The following ZEB1 variants were observed in gnomAD, a reference collection of about 807,000 sequenced individuals.
ZEB1 encodes the protein zinc finger E-box-binding homeobox 1.
ZEB1 carries 21 observed loss-of-function variants against 84.9 expected under a neutral mutation model. That is an observed-to-expected ratio of 0.25 (90% confidence interval 0.18 to 0.36). The LOEUF is 0.36. Ranked by LOEUF, ZEB1 falls within the 10% of genes least tolerant of loss-of-function variation. ZEB1 has a pLI of 1.00. For missense variants in ZEB1, 1,104 were observed against 1,330.2 expected, an observed-to-expected ratio of 0.83 and a Z score of 2.65; for synonymous variants, 420 against 471.1, an observed-to-expected ratio of 0.89 and a Z score of 1.41.
At position 31,529,389 on chromosome 10, in the gene ZEB1, CCT is replaced by C. The variant is rs1834720852; in HGVS notation, c.*2128_*2129del. Reference sequence around the variant, plus strand: ...TCTGGAGAGGTCAGAGTTGACAAAACCTCTTCACAGGTTGCTCCTTCTTCCTG... The same window carrying C: ...TCTGGAGAGGTCAGAGTTGACAAAACCTTCACAGGTTGCTCCTTCTTCCTG... On this transcript the variant is annotated 3_prime_UTR_variant, in exon 9 of 9. Coordinates refer to ENST00000424869, the MANE Select transcript of ZEB1 (RefSeq NM_001174096.2). The C allele has an allele frequency of 6.6e-6, 1 of 152,188 alleles. No homozygotes were observed. Among genetic ancestry groups the C allele is most frequent in the Non-Finnish European group, 1.5e-5 (1 of 68,030 alleles). 9.4% of individuals were successfully genotyped at this position (152,188 alleles called of 1,614,324 possible). A position where few individuals can be genotyped will look rare whatever the true frequency, so the allele number is the denominator to read the frequency against.
rs535604814 is a variant in ZEB1 at position 31,416,208 on chromosome 10, G to T, written c.59-44829G>T. Among the ~76,000 whole-genome samples the T allele has an allele frequency of 6.6e-5, 10 of 151,954 alleles. No individual in the cohort carries two copies. In the East Asian group the frequency reaches 1.9e-3, roughly 29 times the overall value. On this transcript the variant is annotated intron_variant, in intron 1 of 8. Transcript: ENST00000424869. ...GACTATTTTTGGTGTTCTTGATTAT[G>T]ATTTAATACTTCATACTTTAGGAAA...
chr10:31,398,409 A>G (rs2051231331), intron 1 of ZEB1, among the ~76,000 whole-genome samples: 1 of 152,132 alleles, frequency 6.6e-6, no homozygotes, highest in African/African-American at 2.4e-5. Flanking sequence ...GGGATATGTC[A>G]TAATTAGTGA....
chr10:31,355,751 C>T (rs2042013176), intron 1 of ZEB1, among the ~76,000 whole-genome samples: 2 of 151,864 alleles, frequency 1.3e-5, no homozygotes, highest in Admixed American at 1.3e-4. Flanking sequence ...CCAGTGTGAG[C>T]GTTGAAAAGA....
Position 31,477,710 on chromosome 10 carries a change from A to G in ZEB1, c.259+16473A>G, listed in dbSNP as rs563376079. Among the ~76,000 whole-genome samples, 165 of 152,196 alleles carry G rather than the reference A, an allele frequency of 1.1e-3. 2 individuals are homozygous for G. The highest frequency in any genetic ancestry group is 3.9e-3 in the African/African-American group (160 of 41,558). On this transcript the variant is annotated intron_variant, in intron 2 of 8. Transcript: ENST00000424869. ...ACAAAGAACTCATAAATAAAGTGAC[A>G]TACCTACAACCAACTGACTTTCAGC...
At chr10:31,411,418 T>C (rs746804427) in intron 1 of ZEB1, among the ~76,000 whole-genome samples, 17 of 152,046 alleles carry the variant, frequency 1.1e-4, no homozygotes, top group Non-Finnish European at 2.2e-4. Flanking sequence ...GATCATGAGG[T>C]CAGGAGATCG....
intron 1 of ZEB1, among the ~76,000 whole-genome samples, chr10:31,349,512 G>A (rs937719482): frequency 6.6e-6 from 1 of 152,134 alleles, no homozygotes; most frequent in African/African-American, 2.4e-5. Flanking sequence ...TTCCATAGTG[G>A]CTGTACCAAT....
At chr10:31,431,892 CATTA>C (rs1337154874) in intron 1 of ZEB1, among the ~76,000 whole-genome samples, 1 of 152,080 alleles carries the variant, frequency 6.6e-6, no homozygotes, top group Non-Finnish European at 1.5e-5. Context: ...GCAACATAAA[CATTA>C]ATTCATTGAC....
rs73260033 is a variant in ZEB1, at chr10:31,351,708, A to G, written c.58+32416A>G. Among the ~76,000 whole-genome samples, 1,459 of 152,268 alleles carry G rather than the reference A, an allele frequency of 9.6e-3. 16 individuals are homozygous for G. Among genetic ancestry groups the G allele is most frequent in the African/African-American group, 0.032 (1,335 of 41,560 alleles). ...ATTAACTAATCCTTATTTTTGTAAT[A>G]AATTATCTGATATCCTTCAGAGGTT... On this transcript the variant is annotated intron_variant, in intron 1 of 8. Coordinates refer to ENST00000424869, the MANE Select transcript of ZEB1 (RefSeq NM_001174096.2).
chr10:31,502,339 T>A lies in ZEB1; in HGVS notation c.323-9T>A. 1 of 1,613,380 alleles carries A rather than the reference T, an allele frequency of 6.2e-7. No homozygotes were observed. The highest frequency in any genetic ancestry group is 1.1e-5 in the South Asian group (1 of 91,046). On this transcript the variant is annotated splice_polypyrimidine_tract_variant and intron_variant, in intron 3 of 8. Coordinates refer to ENST00000424869, the MANE Select transcript of ZEB1 (RefSeq NM_001174096.2). The stretch of plus-strand genomic sequence containing the variant: ...AGATTGCTGTCTTAAAAGTATGCAT[T>A]TTTTTTAGTAAAAGATGATGAATGC...
intron 1 of ZEB1, among the ~76,000 whole-genome samples, chr10:31,356,223 GCTAA>G (rs2042095865): frequency 6.6e-6 from 1 of 151,964 alleles, no homozygotes; most frequent in Non-Finnish European, 1.5e-5. Flanking sequence ...TTTGAATTGT[GCTAA>G]TTCTTGTTAT....
At chr10:31,392,571 A>G (rs2049947505) in intron 1 of ZEB1, among the ~76,000 whole-genome samples, 1 of 152,074 alleles carries the variant, frequency 6.6e-6, no homozygotes, top group Non-Finnish European at 1.5e-5. Flanking sequence ...TTAATTAGGG[A>G]AACTAATACC....
upstream of ZEB1, chr10:31,319,056 A>C: frequency 2.0e-5 from 12 of 606,486 alleles, no homozygotes; most frequent in East Asian, 3.1e-5. Flanking sequence ...GTCCCTAGCA[A>C]CAAGGTTCCG....
intron 1 of ZEB1, among the ~76,000 whole-genome samples, chr10:31,341,088 A>G (rs1475277948): frequency 6.6e-6 from 1 of 152,076 alleles, no homozygotes; most frequent in Non-Finnish European, 1.5e-5. Flanking sequence ...TCTTTTTGTG[A>G]GTTGGACAGT....
chr10:31,334,603 A>C (rs1238123088), intron 1 of ZEB1, among the ~76,000 whole-genome samples: 1 of 152,136 alleles, frequency 6.6e-6, no homozygotes, highest in Non-Finnish European at 1.5e-5. Flanking sequence ...GAGAAAGTAA[A>C]AGTAATTCAA....
chr10:31,319,225 C>A lies in ZEB1; in HGVS notation c.-10C>A. 1 of 1,605,552 alleles carries A rather than the reference C, an allele frequency of 6.2e-7. No homozygotes were observed. The highest frequency in any genetic ancestry group is 8.5e-7 in the Non-Finnish European group (1 of 1,177,038). ...GGTGACTCGAGCATTTAGACACAAG[C>A]GAGAGGATCATGGCGGATGGCCCCA... On this transcript the variant is annotated 5_prime_UTR_variant, in exon 1 of 9. Transcript: ENST00000424869.
chr10:31,508,190 A>G (rs2139425947), intron 4 of ZEB1, among the ~76,000 whole-genome samples: 1 of 152,238 alleles, frequency 6.6e-6, no homozygotes, highest in Non-Finnish European at 1.5e-5. Flanking sequence ...TAACGGGCTT[A>G]CAGTACCTGT....
At chr10:31,391,545 AATGTC>A (rs2049740014) in intron 1 of ZEB1, among the ~76,000 whole-genome samples, 2 of 152,032 alleles carry the variant, frequency 1.3e-5, no homozygotes, top group African/African-American at 4.8e-5. Context: ...CCTAACCTCT[AATGTC>A]TCAGGTATGA....
At chr10:31,404,082 T>C (rs567430800) in intron 1 of ZEB1, among the ~76,000 whole-genome samples, 12 of 152,180 alleles carry the variant, frequency 7.9e-5, no homozygotes, top group Admixed American at 2.6e-4. Flanking sequence ...TGTTATCCTT[T>C]TGGAAATTTA....
intron 1 of ZEB1, among the ~76,000 whole-genome samples, chr10:31,439,375 A>C (rs1200003347): frequency 6.6e-6 from 1 of 152,306 alleles, no homozygotes; most frequent in African/African-American, 2.4e-5. Flanking sequence ...TCGGCATTTT[A>C]AATTTTGATA....
Sources: gnomAD v4.1 joint callset for allele counts (sites outside exome capture counted in the v4.1 genomes callset) on GRCh38, gnomAD v4.1.1 for gene constraint, MANE v1.5 for transcripts, NCBI Gene and HGNC (gene_info 2026-07-23, HGNC 2026-07-21) for gene names.